PRKCZ: variants seen among roughly 807,000 people sequenced by gnomAD.
PRKCZ encodes protein kinase C zeta type.
Under a neutral mutation model 79.5 loss-of-function variants are expected in PRKCZ, and 33 were observed. That is an observed-to-expected ratio of 0.41 (90% CI 0.31 to 0.55). The LOEUF is 0.55. Among genes scored for constraint, PRKCZ ranks in the 20% least tolerant of loss-of-function variants. The pLI, the probability that PRKCZ is intolerant of heterozygous loss-of-function variation, is 0.19. For synonymous variants in PRKCZ, 342 were observed against 320.9 expected (o/e 1.07, Z -0.70); for missense variants, 578 against 813.5 (o/e 0.71, Z 3.52).
intron 7 of PRKCZ, 37 bp downstream of exon 7, chr1:2,146,145 G>A (rs763644642): frequency 6.4e-7 from 1 of 1,567,200 alleles, no homozygotes; most frequent in African/African-American, 1.4e-5. Context: ...TAGAGCCTGG[G>A]CATCACCTCA....
rs1572028220 is a variant in PRKCZ, at chr1:2,177,772, T to A, written c.1575+2459T>A. Among the ~76,000 whole-genome samples the A allele has an allele frequency of 6.6e-6, 1 of 152,172 alleles. No individual in the cohort carries two copies. The highest frequency in any genetic ancestry group is 2.1e-4 in the South Asian group (1 of 4,828). Reference sequence around the variant, plus strand: ...TCCCACCACTGCAGAATCACCCCCGTGGCTGCCCACAGGGGCGGCTTCCAT... The same window carrying A: ...TCCCACCACTGCAGAATCACCCCCGAGGCTGCCCACAGGGGCGGCTTCCAT... On this transcript the variant is annotated intron_variant, in intron 16 of 17. Coordinates refer to ENST00000378567, the MANE Select transcript of PRKCZ (RefSeq NM_002744.6). This position sits in a 1 kb window ranked among gnomAD's most constrained non-coding sequence, Gnocchi z 6.4.
chr1:2,173,810 C>T lies in PRKCZ; in HGVS notation c.1286-87C>T. ...CAAGCCTGGCTCACACTCGTGTCAA[C>T]TGGGCATGAAAACCAACGCCAGCCA... On this transcript the variant is annotated intron_variant, in intron 13 of 17. Transcript: ENST00000378567. The surrounding 1 kb of genome is among the most constrained non-coding windows in gnomAD (Gnocchi z 5.7). The T allele has an allele frequency of 6.7e-7, 1 of 1,498,340 alleles. No homozygotes were observed. Among genetic ancestry groups the T allele is most frequent in the Non-Finnish European group, 8.9e-7 (1 of 1,119,112 alleles). 92.8% of individuals were successfully genotyped at this position (1,498,340 alleles called of 1,614,324 possible). A position where few individuals can be genotyped will look rare whatever the true frequency, so the allele number is the denominator to read the frequency against.
In PRKCZ at chr1:2,116,952, C is replaced by G. The variant is rs150863463; in HGVS notation, c.335-18310C>G. Among the ~76,000 whole-genome samples, 474 of 151,998 alleles carry G rather than the reference C, an allele frequency of 3.1e-3. 12 individuals carry two copies. In the East Asian group the frequency reaches 0.066, roughly 21 times the overall value. On this transcript the variant is annotated intron_variant, in intron 4 of 17. Coordinates refer to ENST00000378567, the MANE Select transcript of PRKCZ (RefSeq NM_002744.6). ...AGGCCTTTGATTGGGGTTTTTTTGG[C>G]AGGGGAGTTGCGGGGGGCAGACAGG... is the stretch of plus-strand genomic sequence containing the variant.
At chr1:2,126,994 A>G (rs1674041102) in intron 4 of PRKCZ, among the ~76,000 whole-genome samples, 1 of 152,202 alleles carries the variant, frequency 6.6e-6, no homozygotes, top group Non-Finnish European at 1.5e-5. Context: ...TAGACGTGAG[A>G]GGACGGAAGT....
rs80338585 is a variant in PRKCZ at position 2,168,670 on chromosome 1, G to A, written c.975-848G>A. ...CAGTGGCGGTGGTGTGGGAGCTTGC[G>A]TGGGATCGAAGGAAACGGGCAGAGT... is the stretch of plus-strand genomic sequence containing the variant. On this transcript the variant is annotated intron_variant, in intron 10 of 17. Transcript: ENST00000378567. This position sits in a 1 kb window ranked among gnomAD's most constrained non-coding sequence, Gnocchi z 4.7. Among the ~76,000 whole-genome samples the A allele has an allele frequency of 3.9e-3, 587 of 152,186 alleles. 3 individuals are homozygous for A. The highest frequency in any genetic ancestry group is 7.3e-3 in the Non-Finnish European group (498 of 67,992).
Position 2,165,882 on chromosome 1 carries a change from G to T in PRKCZ, c.975-3636G>T, listed in dbSNP as rs1299558465. Reference sequence around the variant, plus strand: ...AAGGACAGGGCCCACCTCCTAGGAGGTTTTGTGAGCTTCCCTCAGCCCCCG... The same window carrying T: ...AAGGACAGGGCCCACCTCCTAGGAGTTTTTGTGAGCTTCCCTCAGCCCCCG... On this transcript the variant is annotated intron_variant, in intron 10 of 17. Coordinates refer to ENST00000378567, the MANE Select transcript of PRKCZ (RefSeq NM_002744.6). This position sits in a 1 kb window ranked among gnomAD's most constrained non-coding sequence, Gnocchi z 4.1. Among the ~76,000 whole-genome samples the T allele has an allele frequency of 2.6e-5, 4 of 152,118 alleles. No homozygotes were observed. Among genetic ancestry groups the T allele is most frequent in the Admixed American group, 6.5e-5 (1 of 15,276 alleles).
chr1:2,133,797 A>C (rs1054099247), intron 4 of PRKCZ: 4 of 152,410 alleles, frequency 2.6e-5, no homozygotes, highest in African/African-American at 9.7e-5. Flanking sequence ...CAGGCAGAGC[A>C]TCCCCCGAGG....
Position 2,174,976 on chromosome 1 carries a change from GCT to G in PRKCZ, c.1485+146_1485+147del, listed in dbSNP as rs1685156524. On this transcript the variant is annotated intron_variant, in intron 15 of 17. Coordinates refer to ENST00000378567, the MANE Select transcript of PRKCZ (RefSeq NM_002744.6). The surrounding 1 kb of genome is among the most constrained non-coding windows in gnomAD (Gnocchi z 6.2). ...GTTGATTTTCCGCTTCAGTATTTGA[GCT>G]CTGTGTTCTGTGAATCGTCCGTTTT... 8.9e-6 allele frequency: 8 copies of G among 902,852 alleles called. No homozygotes were observed. In the South Asian group the frequency reaches 1.2e-4, roughly 14 times the overall value. 55.9% of individuals were successfully genotyped at this position (902,852 alleles called of 1,614,324 possible). A position where few individuals can be genotyped will look rare whatever the true frequency, so the allele number is the denominator to read the frequency against.
rs1661337816 is a variant in PRKCZ, at chr1:2,068,903, T to C, written c.334+9312T>C. Among the ~76,000 whole-genome samples the C allele has an allele frequency of 2.6e-5, 4 of 152,252 alleles. No homozygotes were observed. In the South Asian group the frequency reaches 8.3e-4, roughly 32 times the overall value. ...TTCTGGCTGGGACAGGCCCAGCCGG[T>C]GCTCAGCGGAACTGAGACTGACGCC... is the stretch of plus-strand genomic sequence containing the variant. On this transcript the variant is annotated intron_variant, in intron 4 of 17. Transcript: ENST00000378567.
chr1:2,048,775 C>G (rs77844314), upstream of PRKCZ, among the ~76,000 whole-genome samples: 1 of 152,078 alleles, frequency 6.6e-6, no homozygotes, highest in African/African-American at 2.4e-5. Context: ...AGCTGCAGAC[C>G]AGGAGGGCGA....
At position 2,178,839 on chromosome 1, in the gene PRKCZ, TG is replaced by T. The variant is rs1236267457; in HGVS notation, c.1575+3529del. On this transcript the variant is annotated intron_variant, in intron 16 of 17. Coordinates refer to ENST00000378567, the MANE Select transcript of PRKCZ (RefSeq NM_002744.6). The surrounding 1 kb of genome is among the most constrained non-coding windows in gnomAD (Gnocchi z 4.3). The stretch of plus-strand genomic sequence containing the variant: ...CTTTCACGGACTGCGGGGAAGGCAG[TG>T]GGAGCAGCAGGAATGGATGGTGAAA... 6.6e-6 allele frequency among the ~76,000 whole-genome samples: 1 copy of T among 152,078 alleles called. No homozygotes were observed. Among genetic ancestry groups the T allele is most frequent in the Admixed American group, 6.5e-5 (1 of 15,278 alleles).
Position 2,135,486 on chromosome 1 carries a change from T to C in PRKCZ, c.420+139T>C, listed in dbSNP as rs1043383933. ...CCGAGGGCAAGGTTACAGAAATGCTTTCTCTGGTGCAGGATGAGGCTTTGA... is the reference window on the plus strand; with the variant it reads ...CCGAGGGCAAGGTTACAGAAATGCTCTCTCTGGTGCAGGATGAGGCTTTGA... On this transcript the variant is annotated intron_variant, in intron 5 of 17. Transcript: ENST00000378567. The C allele has an allele frequency of 1.2e-5, 9 of 758,582 alleles. No homozygotes were observed. The African/African-American group carries it at 1.4e-4, about 12-fold the overall frequency. 47.0% of individuals were successfully genotyped at this position (758,582 alleles called of 1,614,324 possible). A position where few individuals can be genotyped will look rare whatever the true frequency, so the allele number is the denominator to read the frequency against.
At chr1:2,053,529 C>T (rs1214761200) in intron 1 of PRKCZ, among the ~76,000 whole-genome samples, 3 of 152,156 alleles carry the variant, frequency 2.0e-5, no homozygotes, top group East Asian at 3.9e-4. Context: ...TCCTGGACGC[C>T]CCTGCTGAAG....
intron 9 of PRKCZ, 129 bp downstream of exon 9, chr1:2,151,107 A>G: frequency 3.5e-6 from 4 of 1,146,086 alleles, no homozygotes; most frequent in Non-Finnish European, 4.8e-6. Flanking sequence ...GTGCAAAATC[A>G]ATAGTCATGC....
chr1:2,107,825 A>C (rs1668866253), intron 4 of PRKCZ, among the ~76,000 whole-genome samples: 1 of 143,884 alleles, frequency 7.0e-6, no homozygotes, highest in African/African-American at 2.7e-5. Flanking sequence ...CCAACACCCC[A>C]ACAGCGTCCA....
intron 6 of PRKCZ, chr1:2,144,729 C>T (rs897238409): frequency 1.7e-5 from 14 of 803,002 alleles, no homozygotes; most frequent in Admixed American, 1.7e-4. Flanking sequence ...ACATCTGGAG[C>T]CTCTCCCTGG....
At chr1:2,156,156 A>T in intron 10 of PRKCZ, 64 bp downstream of exon 10, 1 of 1,471,714 alleles carries the variant, frequency 6.8e-7, no homozygotes, top group Non-Finnish European at 9.4e-7. Context: ...ACAGAAGCTA[A>T]GTCTGGTGTG....
At position 2,177,517 on chromosome 1, in the gene PRKCZ, C is replaced by A. The variant is rs1474697734; in HGVS notation, c.1575+2204C>A. ...TTTACCGGGAGTGGACAGATGAGGA[C>A]AGATGGCTGCCTGTGGAGTGACGGG... On this transcript the variant is annotated intron_variant, in intron 16 of 17. Coordinates refer to ENST00000378567, the MANE Select transcript of PRKCZ (RefSeq NM_002744.6). The surrounding 1 kb of genome is among the most constrained non-coding windows in gnomAD (Gnocchi z 6.4). 6.6e-6 allele frequency among the ~76,000 whole-genome samples: 1 copy of A among 152,206 alleles called. No homozygotes were observed. The highest frequency in any genetic ancestry group is 1.5e-5 in the Non-Finnish European group (1 of 68,042).
chr1:2,064,090 A>T (rs1230869758), intron 4 of PRKCZ, among the ~76,000 whole-genome samples: 1 of 151,372 alleles, frequency 6.6e-6, no homozygotes, highest in African/African-American at 2.4e-5. Context: ...CAAGTGATCC[A>T]CCCACCTCGG....
Sources: allele counts gnomAD v4.1 joint callset (sites outside exome capture counted in the v4.1 genomes callset), GRCh38; gene constraint gnomAD v4.1.1; non-coding constraint Gnocchi (gnomAD v3.1); transcripts MANE v1.5; gene names NCBI Gene and HGNC (gene_info 2026-07-23, HGNC 2026-07-21).